Variants in NLGN4X observed in about 807,000 individuals in gnomAD.
The protein encoded by NLGN4X is neuroligin-4, X-linked.
A neutral mutation model predicts 40.3 loss-of-function variants in NLGN4X; 3 were observed. The observed-to-expected ratio is 0.07, with a 90% confidence interval of 0.03 to 0.19. NLGN4X has a LOEUF of 0.19. Ranked by LOEUF, NLGN4X falls within the 10% of genes least tolerant of loss-of-function variation. NLGN4X has a pLI of 1.00. For synonymous variants in NLGN4X, 270 were observed against 306.8 expected, an observed-to-expected ratio of 0.88 and a Z score of 1.25; for missense variants, 382 against 708.3, an observed-to-expected ratio of 0.54 and a Z score of 5.23.
At chrX:5,904,096 C>A (rs1601858508) in intron 4 of NLGN4X, among the ~76,000 whole-genome samples, 1 of 110,924 alleles carries the variant, frequency 9.0e-6, no homozygotes, top group Non-Finnish European at 1.9e-5. Flanking sequence ...CACACACACA[C>A]GAGTTTAAGG....
chrX:6,038,404 C>T (rs1422099306), intron 2 of NLGN4X, among the ~76,000 whole-genome samples: 1 of 112,445 alleles, frequency 8.9e-6, no homozygotes, highest in East Asian at 2.8e-4. Context: ...CAGACTCTAG[C>T]TGGGGAAAAT....
In NLGN4X at chrX:6,076,172, GAGAA is replaced by G. The variant is rs200792479; in HGVS notation, c.473-46744_473-46741del. ...AATATGATATTTAGTATCTGCACTAGAGAAAGAAACAAACGCTCCATATTTGAAT... is the reference window on the plus strand; with the variant it reads ...AATATGATATTTAGTATCTGCACTAGAGAAACAAACGCTCCATATTTGAAT... On this transcript the variant is annotated intron_variant, in intron 2 of 5. Transcript: ENST00000381095. Among the ~76,000 whole-genome samples the G allele has an allele frequency of 4.1e-3, 458 of 112,299 alleles. 1 individual carries two copies. Among genetic ancestry groups the G allele is most frequent in the African/African-American group, 0.014 (430 of 30,851 alleles).
chrX:6,128,195 T>C (rs72609525), intron 2 of NLGN4X, among the ~76,000 whole-genome samples: 9,808 of 110,964 alleles, frequency 0.088, 357 homozygotes, highest in East Asian at 0.18. Context: ...AGTTGAAACA[T>C]GGGGCCCTAC....
chrX:6,069,667 A>G (rs1458467150), intron 2 of NLGN4X, among the ~76,000 whole-genome samples: 1 of 112,079 alleles, frequency 8.9e-6, no homozygotes. Flanking sequence ...CCTTTTGGTA[A>G]GTCTAAACAC....
At chrX:6,196,196 TTGTATC>T (rs111807250) in intron 1 of NLGN4X, among the ~76,000 whole-genome samples, 3,160 of 111,399 alleles carry the variant, frequency 0.028, 117 homozygotes, top group African/African-American at 0.096. Context: ...GTGAAACTAA[TTGTATC>T]TGTGTGTGCT....
intron 2 of NLGN4X, among the ~76,000 whole-genome samples, chrX:6,150,507 G>A (rs754384166): frequency 1.8e-5 from 2 of 111,484 alleles, no homozygotes; most frequent in Admixed American, 9.6e-5. Context: ...TCCCCTACTT[G>A]TATATTAAAA....
chrX:5,955,802 G>GC (rs1233098445), intron 3 of NLGN4X, among the ~76,000 whole-genome samples: 4 of 63,328 alleles, frequency 6.3e-5, no homozygotes, highest in Admixed American at 4.3e-4. Context: ...GAAAAAAGGA[G>GC]AAACAACCAC....
intron 2 of NLGN4X, among the ~76,000 whole-genome samples, chrX:6,116,411 T>C (rs1602259540): frequency 2.9e-5 from 1 of 33,937 alleles, no homozygotes; most frequent in Non-Finnish European, 5.0e-5. Flanking sequence ...TTTTTTTTTT[T>C]TTTTTTTTTT....
intron 2 of NLGN4X, among the ~76,000 whole-genome samples, chrX:6,050,715 T>C (rs1409704977): frequency 9.0e-6 from 1 of 111,361 alleles, no homozygotes; most frequent in Non-Finnish European, 1.9e-5. Flanking sequence ...ACATATATCA[T>C]CTATCTACCT....
chrX:5,929,977 T>C (rs1259947926), intron 3 of NLGN4X, among the ~76,000 whole-genome samples: 3 of 112,509 alleles, frequency 2.7e-5, no homozygotes, highest in Non-Finnish European at 5.6e-5. Context: ...TTCTCCTCTG[T>C]GTCCTTTTGT....
At chrX:5,959,198 T>G (rs909201775) in intron 3 of NLGN4X, among the ~76,000 whole-genome samples, 2 of 112,112 alleles carry the variant, frequency 1.8e-5, no homozygotes, top group African/African-American at 3.2e-5. Context: ...AGTGGTGTTC[T>G]TTTATCTTTC....
intron 3 of NLGN4X, among the ~76,000 whole-genome samples, chrX:6,021,117 T>A (rs186316965): frequency 1.1e-5 from 1 of 90,380 alleles, no homozygotes; most frequent in East Asian, 3.9e-4. Context: ...TCTTTCTTTC[T>A]TTCTTTCTGA....
At chrX:5,988,536 G>A (rs936032576) in intron 3 of NLGN4X, among the ~76,000 whole-genome samples, 32 of 111,850 alleles carry the variant, frequency 2.9e-4, no homozygotes, top group African/African-American at 8.8e-4. Context: ...ACCTTCATTG[G>A]TTATTAGGGA....
intron 3 of NLGN4X, among the ~76,000 whole-genome samples, chrX:6,009,683 C>T (rs2036197435): frequency 8.9e-6 from 1 of 112,180 alleles, no homozygotes; most frequent in Non-Finnish European, 1.9e-5. Context: ...TGGAACGAGT[C>T]ATAGATTTGA....
chrX:5,913,345 C>G, intron 3 of NLGN4X, among the ~76,000 whole-genome samples: 1 of 111,265 alleles, frequency 9.0e-6, no homozygotes, highest in East Asian at 2.8e-4. Context: ...CACATGATAC[C>G]AAAGATGAGT....
At chrX:6,219,200 T>C (rs973444224) in intron 1 of NLGN4X, among the ~76,000 whole-genome samples, 6 of 102,120 alleles carry the variant, frequency 5.9e-5, no homozygotes, top group African/African-American at 1.8e-4. Context: ...ATATATATAG[T>C]TTGACATGCA....
intron 3 of NLGN4X, among the ~76,000 whole-genome samples, chrX:5,929,551 AGT>A (rs774505670): frequency 2.7e-5 from 3 of 112,176 alleles, no homozygotes; most frequent in Non-Finnish European, 5.6e-5. Flanking sequence ...CCTACAATGT[AGT>A]GTGTGTATAT....
chrX:6,210,858 T>C (rs1924543666), intron 1 of NLGN4X, among the ~76,000 whole-genome samples: 1 of 112,480 alleles, frequency 8.9e-6, no homozygotes. Context: ...AAGATCATTT[T>C]GACAGTTACA....
intron 3 of NLGN4X, among the ~76,000 whole-genome samples, chrX:6,010,489 T>C (rs1055331436): frequency 9.6e-6 from 1 of 104,116 alleles, no homozygotes; most frequent in Non-Finnish European, 2.0e-5. Flanking sequence ...TTGGACAATA[T>C]GAATATCTCA....
Sources: allele counts gnomAD v4.1 joint callset (sites outside exome capture counted in the v4.1 genomes callset), GRCh38; gene constraint gnomAD v4.1.1; transcripts MANE v1.5; gene names NCBI Gene and HGNC (gene_info 2026-07-23, HGNC 2026-07-21).